NPAS3: variants seen among roughly 807,000 people sequenced by gnomAD.
The protein encoded by NPAS3 is neuronal PAS domain protein 3, also known as neuronal PAS domain-containing protein 3.
NPAS3 carries 14 observed loss-of-function variants against 73.1 expected under a neutral mutation model. The observed-to-expected ratio is 0.19, with a 90% confidence interval of 0.13 to 0.30. NPAS3 has a LOEUF of 0.30. Among genes scored for constraint, NPAS3 ranks in the 10% least tolerant of loss-of-function variants. The pLI, the probability that NPAS3 is intolerant of heterozygous loss-of-function variation, is 1.00. For missense variants in NPAS3, 1,096 were observed against 1,250.0 expected (o/e 0.88, Z 1.86); for synonymous variants, 620 against 541.5 (o/e 1.14, Z -2.01).
chr14:33,230,477 T>C (rs1224467151), intron 3 of NPAS3, among the ~76,000 whole-genome samples: 1 of 152,246 alleles, frequency 6.6e-6, no homozygotes. Context: ...CAGCAGAGGA[T>C]AAAATCTGAT....
intron 3 of NPAS3, among the ~76,000 whole-genome samples, chr14:33,295,094 T>G (rs1345434459): frequency 6.6e-6 from 1 of 152,160 alleles, no homozygotes; most frequent in Non-Finnish European, 1.5e-5. Flanking sequence ...TTCAACCAAG[T>G]GTGTTGTTGG....
intron 5 of NPAS3, among the ~76,000 whole-genome samples, chr14:33,594,153 T>C (rs1299167787): frequency 6.6e-6 from 1 of 152,190 alleles, no homozygotes. Context: ...TATCAGGTGC[T>C]CAAGCTTCTT....
chr14:33,735,778 CAT>C (rs1001867272), intron 7 of NPAS3, among the ~76,000 whole-genome samples: 43 of 152,070 alleles, frequency 2.8e-4, no homozygotes, highest in African/African-American at 1.0e-3. Context: ...GATTTGTACA[CAT>C]AGACGAGAAA....
chr14:33,434,308 C>G (rs1284042225), intron 4 of NPAS3, among the ~76,000 whole-genome samples: 1 of 152,154 alleles, frequency 6.6e-6, no homozygotes, highest in Non-Finnish European at 1.5e-5. Context: ...AGGCAGATTA[C>G]TTGAGCCTAG....
chr14:33,171,050 T>G (rs747143774), intron 2 of NPAS3, among the ~76,000 whole-genome samples: 6 of 152,188 alleles, frequency 3.9e-5, no homozygotes, highest in Non-Finnish European at 8.8e-5. Context: ...ATTTTTTAAG[T>G]AGTAAGACTT....
chr14:33,680,578 GA>G (rs1478920612), intron 6 of NPAS3: 1 of 702,328 alleles, frequency 1.4e-6, no homozygotes, highest in South Asian at 1.5e-5. Flanking sequence ...GTTTCTCTAA[GA>G]TAAAATTCCC....
At chr14:33,302,102 A>C (rs1566776093) in intron 3 of NPAS3, among the ~76,000 whole-genome samples, 1 of 152,196 alleles carries the variant, frequency 6.6e-6, no homozygotes, top group East Asian at 1.9e-4. Context: ...TAAATAAATA[A>C]ATGAATTGAT....
chr14:33,204,466 T>G (rs796415265), intron 2 of NPAS3, among the ~76,000 whole-genome samples: 4 of 152,218 alleles, frequency 2.6e-5, no homozygotes, highest in African/African-American at 9.6e-5. Flanking sequence ...TGTGGCAGCT[T>G]CTTAACCCAG....
chr14:33,046,439 A>C (rs1188443167), intron 1 of NPAS3, among the ~76,000 whole-genome samples: 2 of 152,162 alleles, frequency 1.3e-5, no homozygotes, highest in African/African-American at 4.8e-5. Flanking sequence ...GGTGAGTTTA[A>C]ATCAGGAGAA....
At chr14:33,157,426 G>T (rs1383226854) in intron 2 of NPAS3, among the ~76,000 whole-genome samples, 2 of 152,142 alleles carry the variant, frequency 1.3e-5, no homozygotes, top group East Asian at 3.9e-4. Flanking sequence ...GAAAGAACCT[G>T]TCCTTGGATG....
At chr14:33,538,913 C>T (rs2054378602) in intron 4 of NPAS3, among the ~76,000 whole-genome samples, 1 of 152,160 alleles carries the variant, frequency 6.6e-6, no homozygotes, top group Non-Finnish European at 1.5e-5. Context: ...CATAGAGTCA[C>T]ATAAGATGAT....
chr14:33,181,227 G>A lies in NPAS3; in HGVS notation c.141-33955G>A, dbSNP rs189711787. 3.9e-5 allele frequency among the ~76,000 whole-genome samples: 6 copies of A among 152,268 alleles called. No individual in the cohort carries two copies. In the East Asian group the frequency reaches 1.2e-3, roughly 29 times the overall value. On this transcript the variant is annotated intron_variant, in intron 2 of 11. Transcript: ENST00000356141. ...ATGAATGAGTAGATGTATAATAGAAGTATTGTGCAGTTGTGTATATTTGTG... is the reference window on the plus strand; with the variant it reads ...ATGAATGAGTAGATGTATAATAGAAATATTGTGCAGTTGTGTATATTTGTG...
chr14:33,292,037 A>T (rs1281755583), intron 3 of NPAS3, among the ~76,000 whole-genome samples: 1 of 152,220 alleles, frequency 6.6e-6, no homozygotes, highest in African/African-American at 2.4e-5. Flanking sequence ...TTCAGAAAAC[A>T]GTGTCAGTAT....
chr14:33,554,295 G>A (rs2055253812), intron 4 of NPAS3, among the ~76,000 whole-genome samples: 1 of 152,194 alleles, frequency 6.6e-6, no homozygotes, highest in Non-Finnish European at 1.5e-5. Context: ...TCCTAACGGA[G>A]TTATGTCACA....
At chr14:33,481,040 A>G (rs911826044) in intron 4 of NPAS3, among the ~76,000 whole-genome samples, 1 of 152,104 alleles carries the variant, frequency 6.6e-6, no homozygotes, top group African/African-American at 2.4e-5. Flanking sequence ...AAGTTAAGCT[A>G]TGGGACTTCT....
chr14:32,938,986 G>A (rs2139024112), upstream of NPAS3, among the ~76,000 whole-genome samples: 1 of 146,458 alleles, frequency 6.8e-6, no homozygotes, highest in South Asian at 2.1e-4. Flanking sequence ...GCAGCGGGAG[G>A]AGAAGGCGCA....
chr14:32,939,965 G>T (rs1424036938), intron 1 of NPAS3, among the ~76,000 whole-genome samples: 1 of 152,216 alleles, frequency 6.6e-6, no homozygotes, highest in Non-Finnish European at 1.5e-5. Context: ...CGCGGCCGCC[G>T]CCTCCCTGCC....
intron 6 of NPAS3, among the ~76,000 whole-genome samples, chr14:33,697,406 G>A (rs536178270): frequency 5.3e-5 from 8 of 152,232 alleles, no homozygotes; most frequent in African/African-American, 1.7e-4. Flanking sequence ...AAGCTGAACC[G>A]GTTTTGAATG....
chr14:33,322,459 GGT>G lies in NPAS3; in HGVS notation c.386-44718_386-44717del, dbSNP rs1315011218. 5.3e-5 allele frequency among the ~76,000 whole-genome samples: 8 copies of G among 150,614 alleles called. No individual in the cohort carries two copies. The South Asian group carries it at 1.7e-3, about 31-fold the overall frequency. ...TTGCTAATTTTTTTGTATAAGTACG[GGT>G]GTGTGTGTCCTCTGTGTATATATGT... On this transcript the variant is annotated intron_variant, in intron 3 of 11. Transcript: ENST00000356141.
Sources: allele counts gnomAD v4.1 joint callset (sites outside exome capture counted in the v4.1 genomes callset), GRCh38; gene constraint gnomAD v4.1.1; transcripts MANE v1.5; gene names NCBI Gene and HGNC (gene_info 2026-07-23, HGNC 2026-07-21).